The following ZFAT variants were observed in gnomAD, a reference collection of about 807,000 sequenced individuals.
ZFAT encodes zinc finger and AT-hook domain containing, also known as zinc finger protein ZFAT.
Under a neutral mutation model 117.7 loss-of-function variants are expected in ZFAT, and 64 were observed. That is an observed-to-expected ratio of 0.54 (90% CI 0.44 to 0.67). The LOEUF (loss-of-function observed/expected upper bound fraction) is 0.67, where lower values mean the gene tolerates loss of function less well. ZFAT is among the 30% of genes least tolerant of loss of function. The pLI is 0.00. For missense variants in ZFAT, 1,433 were observed against 1,584.5 expected, an observed-to-expected ratio of 0.90 and a Z score of 1.62; for synonymous variants, 679 against 615.0, an observed-to-expected ratio of 1.10 and a Z score of -1.54.
the ZFAT span, among the ~76,000 whole-genome samples, chr8:134,799,330 T>G: frequency 2.0e-5 from 3 of 152,190 alleles, no homozygotes; most frequent in African/African-American, 7.2e-5. Flanking sequence ...TGTGTGTACT[T>G]CTTACATAAT....
intron 15 of ZFAT, among the ~76,000 whole-genome samples, chr8:134,499,687 G>GC (rs1818817278): frequency 6.6e-6 from 1 of 152,246 alleles, no homozygotes; most frequent in Admixed American, 6.5e-5. Context: ...GTGCGGTGGA[G>GC]CCAGCGACTC....
chr8:134,566,718 TC>T (rs1328564266), intron 10 of ZFAT, among the ~76,000 whole-genome samples: 1 of 151,986 alleles, frequency 6.6e-6, no homozygotes, highest in East Asian at 1.9e-4. Flanking sequence ...ATATTCCCCC[TC>T]CCCTCTATTC....
chr8:134,584,656 G>A (rs1825938553), intron 9 of ZFAT, among the ~76,000 whole-genome samples: 2 of 152,138 alleles, frequency 1.3e-5, no homozygotes, highest in South Asian at 4.2e-4. Flanking sequence ...TGTCTACTGA[G>A]GACCTATTTT....
intron 10 of ZFAT, among the ~76,000 whole-genome samples, chr8:134,578,360 G>C (rs563780548): frequency 3.4e-5 from 5 of 145,654 alleles, no homozygotes; most frequent in Admixed American, 1.4e-4. Context: ...GCAGTGAGCC[G>C]AGATGGCACC....
At chr8:134,721,109 G>A in the ZFAT span, among the ~76,000 whole-genome samples, 3 of 152,178 alleles carry the variant, frequency 2.0e-5, no homozygotes, top group Non-Finnish European at 4.4e-5. Flanking sequence ...CCAGCCCTAC[G>A]TGTGTTTAGT....
At chr8:134,694,787 A>T (rs1833744904) in intron 1 of ZFAT, among the ~76,000 whole-genome samples, 3 of 152,212 alleles carry the variant, frequency 2.0e-5, no homozygotes, top group Admixed American at 2.0e-4. Flanking sequence ...AAAGAATAAA[A>T]GGTGTCCATG....
intron 10 of ZFAT, among the ~76,000 whole-genome samples, chr8:134,581,753 T>A (rs1825727533): frequency 1.3e-5 from 2 of 152,136 alleles, no homozygotes; most frequent in Admixed American, 1.3e-4. Flanking sequence ...CCCCGTTAAT[T>A]TTTTGTATTT....
intron 10 of ZFAT, among the ~76,000 whole-genome samples, chr8:134,579,956 C>CAAAA (rs149153004): frequency 3.5e-5 from 4 of 115,044 alleles, no homozygotes; most frequent in East Asian, 5.0e-4. Context: ...ACACAGGGAA[C>CAAAA]AAAAAAAAAA....
the ZFAT span, among the ~76,000 whole-genome samples, chr8:134,782,838 T>G: frequency 6.6e-6 from 1 of 152,098 alleles, no homozygotes; most frequent in African/African-American, 2.4e-5. Context: ...AGCATGAAAA[T>G]GGACTAATAC....
At chr8:134,618,910 T>C (rs982706642) in intron 3 of ZFAT, among the ~76,000 whole-genome samples, 2 of 152,216 alleles carry the variant, frequency 1.3e-5, no homozygotes, top group African/African-American at 2.4e-5. Context: ...CTCTGGAGTT[T>C]ACATGCTAGT....
chr8:134,818,082 G>A, the ZFAT span, among the ~76,000 whole-genome samples: 403 of 151,846 alleles, frequency 2.7e-3, 1 homozygote, highest in Non-Finnish European at 4.1e-3. Flanking sequence ...CTTGAATTAC[G>A]CAAAAAAAAC....
chr8:134,518,660 A>T (rs1481879584), intron 13 of ZFAT, among the ~76,000 whole-genome samples: 2 of 151,632 alleles, frequency 1.3e-5, no homozygotes, highest in African/African-American at 2.4e-5. Flanking sequence ...AAAGATATTA[A>T]TTTTTTCTAT....
chr8:134,724,284 C>CA, the ZFAT span, among the ~76,000 whole-genome samples: 3 of 152,154 alleles, frequency 2.0e-5, no homozygotes, highest in Non-Finnish European at 4.4e-5. Context: ...GCTCCAAGCC[C>CA]AGTCAAGGCA....
intron 1 of ZFAT, among the ~76,000 whole-genome samples, chr8:134,710,682 T>G (rs1237765781): frequency 2.0e-5 from 3 of 152,196 alleles, no homozygotes; most frequent in Non-Finnish European, 4.4e-5. Flanking sequence ...AGTCTAAACA[T>G]GAAATTTATT....
At chr8:134,611,891 G>A in intron 3 of ZFAT, among the ~76,000 whole-genome samples, 1 of 102,576 alleles carries the variant, frequency 9.7e-6, no homozygotes, top group East Asian at 2.9e-4. Context: ...ACACTGAAGA[G>A]GGAACGTGTC....
At chr8:134,606,405 G>A (rs919552842) in intron 5 of ZFAT, among the ~76,000 whole-genome samples, 2 of 152,224 alleles carry the variant, frequency 1.3e-5, no homozygotes, top group African/African-American at 4.8e-5. Flanking sequence ...GCATATAAAT[G>A]TAATGTGATT....
chr8:134,683,785 G>T (rs1009843091), intron 1 of ZFAT, among the ~76,000 whole-genome samples: 4 of 152,104 alleles, frequency 2.6e-5, no homozygotes, highest in African/African-American at 9.7e-5. Context: ...GGAGACAGGG[G>T]GTGGGGCACT....
intron 1 of ZFAT, among the ~76,000 whole-genome samples, chr8:134,678,834 G>C (rs1019557236): frequency 6.6e-6 from 1 of 152,158 alleles, no homozygotes; most frequent in Admixed American, 6.6e-5. Flanking sequence ...AACAAGCAAT[G>C]AGGAAAGGAT....
rs532263377 is a variant in ZFAT at position 134,526,615 on chromosome 8, G to C, written c.3116-5614C>G. 7.8e-4 allele frequency among the ~76,000 whole-genome samples: 119 copies of C among 152,324 alleles called. 2 individuals are homozygous for C. In the South Asian group the frequency reaches 0.024, roughly 31 times the overall value. ...TTGGAATGCAATATATTCTGGAGCA[G>C]TTTCAGGCATTAAAATATCTCTGCT... is the stretch of plus-strand genomic sequence containing the variant. On this transcript the variant is annotated intron_variant, in intron 12 of 15. Coordinates refer to ENST00000377838, the MANE Select transcript of ZFAT (RefSeq NM_020863.4).
Sources: gnomAD v4.1 joint callset for allele counts (sites outside exome capture counted in the v4.1 genomes callset) on GRCh38, gnomAD v4.1.1 for gene constraint, MANE v1.5 for transcripts, NCBI Gene and HGNC (gene_info 2026-07-23, HGNC 2026-07-21) for gene names.